MACROD2: variants seen among roughly 807,000 people sequenced by gnomAD.
The protein encoded by MACROD2 is ADP-ribose glycohydrolase MACROD2.
MACROD2 carries 36 observed loss-of-function variants against 70.4 expected under a neutral mutation model. That is an observed-to-expected ratio of 0.51 (90% CI 0.39 to 0.68). MACROD2 has a LOEUF of 0.68. Among genes scored for constraint, MACROD2 ranks in the 30% least tolerant of loss-of-function variants. MACROD2 has a pLI of 0.00. For synonymous variants in MACROD2, 172 were observed against 178.8 expected (o/e 0.96, Z 0.30); for missense variants, 496 against 538.4 (o/e 0.92, Z 0.78).
chr20:14,913,158 T>G (rs2122603178), intron 5 of MACROD2, among the ~76,000 whole-genome samples: 1 of 152,214 alleles, frequency 6.6e-6, no homozygotes, highest in Middle Eastern at 3.4e-3. Context: ...TATATGTACA[T>G]GATAGAAAGA....
At chr20:16,009,430 T>C (rs1286927253) in intron 15 of MACROD2, among the ~76,000 whole-genome samples, 1 of 152,178 alleles carries the variant, frequency 6.6e-6, no homozygotes, top group African/African-American at 2.4e-5. Flanking sequence ...TTCTTTTTAC[T>C]AGAACTTCTT....
At chr20:15,212,520 G>A (rs1440490843) in intron 5 of MACROD2, among the ~76,000 whole-genome samples, 1 of 152,208 alleles carries the variant, frequency 6.6e-6, no homozygotes, top group African/African-American at 2.4e-5. Flanking sequence ...CCACATGGAA[G>A]GATTTAAAAT....
rs145762695 is a variant in MACROD2 at position 14,365,817 on chromosome 20, A to C, written c.272-127662A>C. The stretch of plus-strand genomic sequence containing the variant: ...TTTTGGCATGTTGTATTTTCATTTT[A>C]TTTTAGGATATTTTCTAATTTCCCT... On this transcript the variant is annotated intron_variant, in intron 3 of 17. Coordinates refer to ENST00000684519, the MANE Select transcript of MACROD2 (RefSeq NM_001351661.2). Among the ~76,000 whole-genome samples the C allele has an allele frequency of 1.1e-3, 169 of 152,068 alleles. 1 individual carries two copies. The highest frequency in any genetic ancestry group is 4.1e-3 in the African/African-American group (169 of 41,508).
At chr20:14,595,531 G>T (rs1200125507) in intron 4 of MACROD2, among the ~76,000 whole-genome samples, 1 of 152,124 alleles carries the variant, frequency 6.6e-6, no homozygotes, top group Non-Finnish European at 1.5e-5. Flanking sequence ...CAATAACATA[G>T]CTTTCTACTC....
intron 5 of MACROD2, among the ~76,000 whole-genome samples, chr20:14,920,496 G>A (rs1161044072): frequency 1.3e-5 from 2 of 152,066 alleles, no homozygotes; most frequent in Non-Finnish European, 2.9e-5. Flanking sequence ...CGTTAAAAAT[G>A]TTCTCAGGTT....
intron 5 of MACROD2, among the ~76,000 whole-genome samples, chr20:14,985,608 C>T (rs2122852515): frequency 6.6e-6 from 1 of 151,300 alleles, no homozygotes; most frequent in Non-Finnish European, 1.5e-5. Context: ...GATGGATTAA[C>T]AAGTGCTTCC....
chr20:14,175,193 T>A lies in MACROD2; in HGVS notation c.271+89465T>A, dbSNP rs780671415. Among the ~76,000 whole-genome samples the A allele has an allele frequency of 1.2e-4, 19 of 152,318 alleles. No individual in the cohort carries two copies. The Middle Eastern group carries it at 0.017, about 136-fold the overall frequency. Reference sequence around the variant, plus strand: ...CATCTGAGTGGGAGCTGCAAGGTAGTCCTGCCTCCTATCTGTCATTTTTTC... The same window carrying A: ...CATCTGAGTGGGAGCTGCAAGGTAGACCTGCCTCCTATCTGTCATTTTTTC... On this transcript the variant is annotated intron_variant, in intron 3 of 17. Coordinates refer to ENST00000684519, the MANE Select transcript of MACROD2 (RefSeq NM_001351661.2).
chr20:14,723,851 A>G (rs1045216945), intron 5 of MACROD2, among the ~76,000 whole-genome samples: 3 of 152,108 alleles, frequency 2.0e-5, no homozygotes, highest in African/African-American at 7.2e-5. Flanking sequence ...CTTACTGAAC[A>G]TGACCACTCT....
At chr20:14,482,693 T>C (rs192946470) in intron 3 of MACROD2, among the ~76,000 whole-genome samples, 9 of 152,318 alleles carry the variant, frequency 5.9e-5, no homozygotes, top group Admixed American at 5.2e-4. Flanking sequence ...CATTGAATTT[T>C]CATTAATTTA....
chr20:14,613,489 G>A (rs538817929), intron 4 of MACROD2, among the ~76,000 whole-genome samples: 1 of 152,102 alleles, frequency 6.6e-6, no homozygotes, highest in Non-Finnish European at 1.5e-5. Flanking sequence ...TGAGAGCAGT[G>A]GGGAGGAAGA....
At chr20:15,758,237 C>CT (rs397793806) in intron 8 of MACROD2, among the ~76,000 whole-genome samples, 19,806 of 122,100 alleles carry the variant, frequency 0.16, 1,749 homozygotes, top group Non-Finnish European at 0.19. Context: ...TCCTGTAATT[C>CT]TTTTTTTTTT....
At chr20:14,767,676 A>T (rs1221720359) in intron 5 of MACROD2, among the ~76,000 whole-genome samples, 1 of 151,752 alleles carries the variant, frequency 6.6e-6, no homozygotes. Context: ...GTTCTGGAGT[A>T]CATATGCAGA....
chr20:14,769,848 G>A (rs913362945), intron 5 of MACROD2, among the ~76,000 whole-genome samples: 4 of 151,964 alleles, frequency 2.6e-5, no homozygotes, highest in African/African-American at 9.7e-5. Flanking sequence ...ATATGAAAAA[G>A]TATTAGCTAC....
intron 4 of MACROD2, among the ~76,000 whole-genome samples, chr20:14,522,663 G>A (rs1282325760): frequency 1.3e-5 from 2 of 152,158 alleles, no homozygotes; most frequent in African/African-American, 4.8e-5. Context: ...GTCCCTGCAC[G>A]TTTTTCCCTC....
chr20:14,737,859 AG>A (rs1454277459), intron 5 of MACROD2, among the ~76,000 whole-genome samples: 1 of 152,200 alleles, frequency 6.6e-6, no homozygotes, highest in African/African-American at 2.4e-5. Context: ...GCCCTTTGTC[AG>A]ATGGATAGAT....
At chr20:15,732,201 A>C (rs1453782604) in intron 8 of MACROD2, among the ~76,000 whole-genome samples, 1 of 151,840 alleles carries the variant, frequency 6.6e-6, no homozygotes, top group Non-Finnish European at 1.5e-5. Context: ...GTGCATTCCC[A>C]CTGGCAGAAA....
chr20:15,158,847 GACGTCTC>G (rs2076327438), intron 5 of MACROD2, among the ~76,000 whole-genome samples: 1 of 152,166 alleles, frequency 6.6e-6, no homozygotes, highest in South Asian at 2.1e-4. Context: ...CAAGAGCTTT[GACGTCTC>G]AGTTACAGGA....
In MACROD2 at chr20:15,456,592, T is replaced by G. The variant is rs747421825; in HGVS notation, c.571+25157T>G. Among the ~76,000 whole-genome samples, 4 of 152,178 alleles carry G rather than the reference T, an allele frequency of 2.6e-5. No individual in the cohort carries two copies. In the East Asian group the frequency reaches 7.7e-4, roughly 29 times the overall value. ...GAACTGAGTCTTCAGGAAAGGCTATTAATTCTTACTGCCAAATTCAGCTAG... is the reference window on the plus strand; with the variant it reads ...GAACTGAGTCTTCAGGAAAGGCTATGAATTCTTACTGCCAAATTCAGCTAG... On this transcript the variant is annotated intron_variant, in intron 7 of 17. Transcript: ENST00000684519.
At chr20:15,517,467 T>C (rs182107744) in intron 8 of MACROD2, among the ~76,000 whole-genome samples, 36 of 152,344 alleles carry the variant, frequency 2.4e-4, no homozygotes, top group African/African-American at 8.7e-4. Context: ...GTATATGTAT[T>C]GGTTTATCGG....
Sources: gnomAD v4.1 joint callset for allele counts (sites outside exome capture counted in the v4.1 genomes callset) on GRCh38, gnomAD v4.1.1 for gene constraint, MANE v1.5 for transcripts, NCBI Gene and HGNC (gene_info 2026-07-23, HGNC 2026-07-21) for gene names.